ADGRL3: variants seen among roughly 807,000 people sequenced by gnomAD.
ADGRL3 encodes adhesion G protein-coupled receptor L3, also known as calcium-independent alpha-latrotoxin receptor 3.
In ADGRL3, 62 loss-of-function variants were observed where a neutral mutation model predicts 153.5. The observed-to-expected ratio is 0.40, with a 90% CI of 0.33 to 0.50. The LOEUF is 0.50. ADGRL3 is among the 20% of genes least tolerant of loss of function. The probability of loss-of-function intolerance (pLI) is 0.47; values close to 1 mark genes in which losing one functional copy is unlikely to be tolerated. For missense variants in ADGRL3, 1,641 were observed against 1,859.4 expected (o/e 0.88, Z 2.16); for synonymous variants, 710 against 672.5 (o/e 1.06, Z -0.86).
chr4:62,025,691 A>T (rs561683046), intron 21 of ADGRL3, among the ~76,000 whole-genome samples: 1 of 152,158 alleles, frequency 6.6e-6, no homozygotes, highest in Non-Finnish European at 1.5e-5. Flanking sequence ...TATCTTGAGA[A>T]ATCTGTAAGT....
intron 8 of ADGRL3, among the ~76,000 whole-genome samples, chr4:61,748,731 A>G (rs191924240): frequency 0.014 from 2,138 of 152,296 alleles, 55 homozygotes; most frequent in African/African-American, 0.047. Context: ...AAAGACTTAA[A>G]TGTTAGACCT....
intron 4 of ADGRL3, among the ~76,000 whole-genome samples, chr4:61,581,927 G>T (rs2098927559): frequency 6.6e-6 from 1 of 151,856 alleles, no homozygotes; most frequent in Non-Finnish European, 1.5e-5. Flanking sequence ...TTATTACTAT[G>T]AAATAGCCTT....
At chr4:61,298,727 A>T (rs1294257486) in intron 1 of ADGRL3, among the ~76,000 whole-genome samples, 1 of 152,204 alleles carries the variant, frequency 6.6e-6, no homozygotes, top group Non-Finnish European at 1.5e-5. Context: ...TAAAAAATTA[A>T]TTACTTATAT....
chr4:61,614,806 C>T (rs1233509894), intron 5 of ADGRL3, among the ~76,000 whole-genome samples: 1 of 152,084 alleles, frequency 6.6e-6, no homozygotes, highest in Non-Finnish European at 1.5e-5. Context: ...GACATGACTA[C>T]CAGTCATTAT....
At chr4:61,996,414 T>C in intron 20 of ADGRL3, 57 bp downstream of exon 20, 1 of 1,172,062 alleles carries the variant, frequency 8.5e-7, no homozygotes, top group Non-Finnish European at 1.3e-6. Flanking sequence ...ACTTTCACTA[T>C]CCCAGTACTG....
At chr4:61,247,639 C>T (rs771294854) in intron 1 of ADGRL3, among the ~76,000 whole-genome samples, 6 of 151,944 alleles carry the variant, frequency 3.9e-5, no homozygotes, top group Non-Finnish European at 8.8e-5. Flanking sequence ...TCTAATTAAA[C>T]AACGGAAGGA....
chr4:61,493,182 T>G (rs753958198), intron 2 of ADGRL3, among the ~76,000 whole-genome samples: 3 of 152,158 alleles, frequency 2.0e-5, no homozygotes, highest in African/African-American at 4.8e-5. Context: ...GTTTATTATA[T>G]ATATCCTCTA....
At chr4:61,787,132 A>G (rs997615912) in intron 8 of ADGRL3, among the ~76,000 whole-genome samples, 1 of 152,190 alleles carries the variant, frequency 6.6e-6, no homozygotes, top group Non-Finnish European at 1.5e-5. Flanking sequence ...GATTCCTCTT[A>G]TATTCTATAA....
At chr4:61,241,217 G>T (rs1049740136) in intron 1 of ADGRL3, among the ~76,000 whole-genome samples, 1 of 151,896 alleles carries the variant, frequency 6.6e-6, no homozygotes, top group Non-Finnish European at 1.5e-5. Flanking sequence ...CTTAAAAATA[G>T]AAATAATTTA....
chr4:61,392,248 G>A (rs1409916779), intron 2 of ADGRL3, among the ~76,000 whole-genome samples: 1 of 151,876 alleles, frequency 6.6e-6, no homozygotes, highest in African/African-American at 2.4e-5. Context: ...TCCTATCGTA[G>A]ATGATGCCAA....
chr4:61,921,488 G>A (rs531154327), intron 13 of ADGRL3, among the ~76,000 whole-genome samples: 12 of 152,208 alleles, frequency 7.9e-5, no homozygotes, highest in Admixed American at 1.3e-4. Flanking sequence ...GCGTGATCTC[G>A]GCTCACTGCA....
rs189029522 is a variant in ADGRL3 at position 61,993,455 on chromosome 4, C to A, written c.3237-2836C>A. On this transcript the variant is annotated intron_variant, in intron 19 of 26. Coordinates refer to ENST00000683033, the MANE Select transcript of ADGRL3 (RefSeq NM_001387552.1). The stretch of plus-strand genomic sequence containing the variant: ...TACAGGCATGCATCACCAGGTCCGG[C>A]TAATTTTTGTATTTTTAGTAGAGAT... Among the ~76,000 whole-genome samples, 692 of 151,530 alleles carry A rather than the reference C, an allele frequency of 4.6e-3. 5 individuals are homozygous for A. The highest frequency in any genetic ancestry group is 0.037 in the Middle Eastern group (11 of 294).
chr4:61,939,922 A>ATT (rs528565943), intron 15 of ADGRL3, among the ~76,000 whole-genome samples: 1 of 109,530 alleles, frequency 9.1e-6, no homozygotes, highest in African/African-American at 3.0e-5. Context: ...AGTATATTCT[A>ATT]TTTTTTTTTT....
At chr4:61,700,762 A>G (rs2095743023) in intron 6 of ADGRL3, among the ~76,000 whole-genome samples, 1 of 152,218 alleles carries the variant, frequency 6.6e-6, no homozygotes. Flanking sequence ...TTTGAGGATT[A>G]AAAATAAGTC....
intron 9 of ADGRL3, among the ~76,000 whole-genome samples, chr4:61,878,348 A>G (rs1386720666): frequency 6.6e-6 from 1 of 152,204 alleles, no homozygotes; most frequent in Non-Finnish European, 1.5e-5. Context: ...TGAGCCCATA[A>G]CAGGTGAAAA....
At chr4:61,998,543 A>G (rs2099129501) in intron 21 of ADGRL3, among the ~76,000 whole-genome samples, 1 of 151,660 alleles carries the variant, frequency 6.6e-6, no homozygotes, top group Non-Finnish European at 1.5e-5. Context: ...AACAAGCACA[A>G]CGTTTCCATT....
At chr4:61,568,286 A>T (rs2098824514) in intron 4 of ADGRL3, among the ~76,000 whole-genome samples, 1 of 152,200 alleles carries the variant, frequency 6.6e-6, no homozygotes, top group Non-Finnish European at 1.5e-5. Context: ...AAGAATTATG[A>T]TAATTTCTAG....
chr4:61,228,114 GTTTTT>G (rs1748797315), intron 1 of ADGRL3, among the ~76,000 whole-genome samples: 1 of 152,036 alleles, frequency 6.6e-6, no homozygotes, highest in Non-Finnish European at 1.5e-5. Flanking sequence ...TAATGTAGGA[GTTTTT>G]TAAAATGTGA....
chr4:61,647,983 C>T lies in ADGRL3; in HGVS notation c.474-28843C>T, dbSNP rs544121813. 4.6e-5 allele frequency among the ~76,000 whole-genome samples: 7 copies of T among 152,196 alleles called. No individual in the cohort carries two copies. The South Asian group carries it at 8.3e-4, about 18-fold the overall frequency. On this transcript the variant is annotated intron_variant, in intron 5 of 26. Transcript: ENST00000683033. The stretch of plus-strand genomic sequence containing the variant: ...ATAATTTTCCTATTCTGTGGGAAGA[C>T]GTTTTACCTATAACCACACACACAA...
Sources: gnomAD v4.1 joint callset for allele counts (sites outside exome capture counted in the v4.1 genomes callset) on GRCh38, gnomAD v4.1.1 for gene constraint, MANE v1.5 for transcripts, NCBI Gene and HGNC (gene_info 2026-07-23, HGNC 2026-07-21) for gene names.